WDR12: variants seen among roughly 807,000 people sequenced by gnomAD.
The protein encoded by WDR12 is ribosome biogenesis protein WDR12.
WDR12 carries 42 observed loss-of-function variants against 64.3 expected under a neutral mutation model. The ratio of observed to expected loss-of-function variants is 0.65; its 90% CI spans 0.51 to 0.84. The LOEUF (loss-of-function observed/expected upper bound fraction) is 0.84. Ranked by LOEUF, WDR12 falls within the 40% of genes least tolerant of loss-of-function variation. The pLI is 0.00. For synonymous variants in WDR12, 158 were observed against 173.3 expected (o/e 0.91, Z 0.70); for missense variants, 469 against 494.6 (o/e 0.95, Z 0.49).
chr2:202,879,730 C>T lies in WDR12; in HGVS notation c.*1130G>A. 6.6e-6 allele frequency: 1 copy of T among 151,938 alleles called. No individual in the cohort carries two copies. The highest frequency in any genetic ancestry group is 1.5e-5 in the Non-Finnish European group (1 of 68,032). The allele number at this position is 151,938 out of a possible 1,614,324, so 9.4% of individuals were successfully genotyped here. ...TACAAGCATGAGCCACCGTGCCCTG[C>T]CGAATCAATATTTTGTTATCGTTGT... On this transcript the variant is annotated 3_prime_UTR_variant, in exon 13 of 13. Transcript: ENST00000261015.
chr2:202,892,639 G>GT lies in WDR12; in HGVS notation c.718dup (p.Thr240AsnfsTer30). 1 of 1,613,026 alleles carries GT rather than the reference G, an allele frequency of 6.2e-7. No individual in the cohort carries two copies. The highest frequency in any genetic ancestry group is 8.5e-7 in the Non-Finnish European group (1 of 1,179,350). On this transcript the variant is annotated frameshift_variant, in exon 8 of 13. Coordinates refer to ENST00000261015, the MANE Select transcript of WDR12 (RefSeq NM_018256.4). LOFTEE classifies it high-confidence loss of function. ...GACCCTTGTTAGTCCCAACTGTTCTGTCTTCTGTTTCTTTCTTGGTCGATT... is the reference window on the plus strand; with the variant it reads ...GACCCTTGTTAGTCCCAACTGTTCTGTTCTTCTGTTTCTTTCTTGGTCGATT...
intron 8 of WDR12, among the ~76,000 whole-genome samples, chr2:202,887,038 T>G (rs75232035): frequency 6.6e-6 from 1 of 152,228 alleles, no homozygotes; most frequent in Admixed American, 6.5e-5. Context: ...TGTTTTTTGT[T>G]TTTTTGAGAT....
At chr2:202,886,613 C>A (rs1263933307) in intron 8 of WDR12, among the ~76,000 whole-genome samples, 1 of 151,796 alleles carries the variant, frequency 6.6e-6, no homozygotes, top group African/African-American at 2.4e-5. Flanking sequence ...ACTAAAACTA[C>A]AAAATTAGCC....
At chr2:202,882,845 A>C in intron 11 of WDR12, 62 bp from the exon 12 acceptor site, 1 of 1,523,928 alleles carries the variant, frequency 6.6e-7, no homozygotes, top group Non-Finnish European at 9.1e-7. Context: ...ACATTTGAAT[A>C]ATCACTTATA....
At position 202,901,134 on chromosome 2, in the gene WDR12, T is replaced by C. The variant is rs1688342163; in HGVS notation, c.137-15A>G. 2 of 1,577,096 alleles carry C rather than the reference T, an allele frequency of 1.3e-6. No individual in the cohort carries two copies. Among genetic ancestry groups the C allele is most frequent in the Admixed American group, 1.7e-5 (1 of 59,024 alleles). On this transcript the variant is annotated splice_polypyrimidine_tract_variant and intron_variant, in intron 2 of 12. Coordinates refer to ENST00000261015, the MANE Select transcript of WDR12 (RefSeq NM_018256.4). ...TTTGTGGAACTCTGAGGAAAATACA[T>C]AACAAAATTATCACTCTTAGTGTCT... is the stretch of plus-strand genomic sequence containing the variant.
intron 8 of WDR12, among the ~76,000 whole-genome samples, chr2:202,885,521 G>C (rs1326840911): frequency 6.6e-6 from 1 of 152,152 alleles, no homozygotes; most frequent in Non-Finnish European, 1.5e-5. Context: ...GACAGATATA[G>C]GTTTCAGCAC....
At chr2:202,902,365 T>C (rs910961863) in intron 2 of WDR12, among the ~76,000 whole-genome samples, 3 of 152,110 alleles carry the variant, frequency 2.0e-5, no homozygotes, top group African/African-American at 7.2e-5. Context: ...TCAACTTGAT[T>C]GGATTGAAGG....
rs1279635187 is a variant in WDR12 at position 202,878,642 on chromosome 2, C to T, written c.*2218G>A. The T allele has an allele frequency of 6.6e-6, 1 of 152,182 alleles. No individual in the cohort carries two copies. The highest frequency in any genetic ancestry group is 2.4e-5 in the African/African-American group (1 of 41,436). The allele number at this position is 152,182 out of a possible 1,614,324, so 9.4% of individuals were successfully genotyped here. On this transcript the variant is annotated 3_prime_UTR_variant, in exon 13 of 13. Transcript: ENST00000261015. ...TCAGCCCTGGACTGCCTCTGGTTTTCTACAGAGAACTAAACTCCTAACTGG... is the reference window on the plus strand; with the variant it reads ...TCAGCCCTGGACTGCCTCTGGTTTTTTACAGAGAACTAAACTCCTAACTGG...
intron 4 of WDR12, among the ~76,000 whole-genome samples, chr2:202,899,040 T>G (rs1688301709): frequency 7.9e-6 from 1 of 127,288 alleles, no homozygotes; most frequent in South Asian, 2.8e-4. Context: ...TGGTTTTTTT[T>G]TTTTTTTTTT....
chr2:202,880,953 GA>G lies in WDR12; in HGVS notation c.1195-17del. 1 of 1,579,312 alleles carries G rather than the reference GA, an allele frequency of 6.3e-7. No individual in the cohort carries two copies. On this transcript the variant is annotated splice_polypyrimidine_tract_variant and intron_variant, in intron 12 of 12. Coordinates refer to ENST00000261015, the MANE Select transcript of WDR12 (RefSeq NM_018256.4). ...TCAGAAGTAGCTGTGTAAAAGGAGA[GA>G]AAAAGACAAGAAAACATAAATAAAT...
At chr2:202,884,686 A>G (rs1314935193) in intron 8 of WDR12, 151 bp from the exon 9 acceptor site, 2 of 890,182 alleles carry the variant, frequency 2.2e-6, no homozygotes, top group Non-Finnish European at 3.3e-6. Flanking sequence ...AATGGAATGG[A>G]TATTTCTGTT....
At chr2:202,887,730 T>C (rs978460348) in intron 8 of WDR12, among the ~76,000 whole-genome samples, 1 of 148,512 alleles carries the variant, frequency 6.7e-6, no homozygotes, top group African/African-American at 2.5e-5. Context: ...CTACTAAAAA[T>C]ACAAAAAATT....
At chr2:202,907,538 C>A (rs990486143) in intron 2 of WDR12, among the ~76,000 whole-genome samples, 1 of 152,116 alleles carries the variant, frequency 6.6e-6, no homozygotes, top group Non-Finnish European at 1.5e-5. Flanking sequence ...TTGTTTTATG[C>A]CTGCATAACT....
chr2:202,882,289 A>G (rs1687963218), intron 12 of WDR12, among the ~76,000 whole-genome samples: 3 of 151,998 alleles, frequency 2.0e-5, no homozygotes. Context: ...AATAATATTA[A>G]GTGAAATAAT....
At chr2:202,886,493 G>A (rs1325682048) in intron 8 of WDR12, among the ~76,000 whole-genome samples, 1 of 148,552 alleles carries the variant, frequency 6.7e-6, no homozygotes, top group African/African-American at 2.5e-5. Context: ...AACTAGCTGG[G>A]TGCGGTGGCT....
chr2:202,891,776 C>T (rs1688160775), intron 8 of WDR12, among the ~76,000 whole-genome samples: 1 of 151,964 alleles, frequency 6.6e-6, no homozygotes, highest in Non-Finnish European at 1.5e-5. Context: ...TCAGTATTGC[C>T]CTTCACAAAA....
rs981019156 is a variant in WDR12, at chr2:202,878,141, T to G, written c.*2719A>C. On this transcript the variant is annotated 3_prime_UTR_variant, in exon 13 of 13. Coordinates refer to ENST00000261015, the MANE Select transcript of WDR12 (RefSeq NM_018256.4). ...CAAGGAAGAATGCCTGAACTATGAATGTATTCTGCTGTGGAACCAGGATTG... is the reference window on the plus strand; with the variant it reads ...CAAGGAAGAATGCCTGAACTATGAAGGTATTCTGCTGTGGAACCAGGATTG... 3.9e-5 allele frequency: 6 copies of G among 152,304 alleles called. No individual in the cohort carries two copies. In the East Asian group the frequency reaches 1.2e-3, roughly 29 times the overall value. The allele number at this position is 152,304 out of a possible 1,614,324, so 9.4% of individuals were successfully genotyped here. A position where few individuals can be genotyped will look rare whatever the true frequency, so the allele number is the denominator to read the frequency against.
intron 4 of WDR12, among the ~76,000 whole-genome samples, 192 bp from the exon 5 acceptor site, chr2:202,897,607 T>A (rs1688270484): frequency 3.4e-5 from 5 of 146,980 alleles, no homozygotes. Context: ...ATACCTGGCA[T>A]GGCTGGGCGT....
chr2:202,879,602 T>G lies in WDR12; in HGVS notation c.*1258A>C, dbSNP rs2105901333. ...CACCCGGCTAATTTGTTTTGGATTT[T>G]TTTTTTTTTAGTAGAGACAAAGTTT... On this transcript the variant is annotated 3_prime_UTR_variant, in exon 13 of 13. Coordinates refer to ENST00000261015, the MANE Select transcript of WDR12 (RefSeq NM_018256.4). 1 of 151,862 alleles carries G rather than the reference T, an allele frequency of 6.6e-6. No homozygotes were observed. The highest frequency in any genetic ancestry group is 1.9e-4 in the East Asian group (1 of 5,132). The allele number at this position is 151,862 out of a possible 1,614,324, so 9.4% of individuals were successfully genotyped here. A position where few individuals can be genotyped will look rare whatever the true frequency, so the allele number is the denominator to read the frequency against.
Sources: allele counts gnomAD v4.1 joint callset (sites outside exome capture counted in the v4.1 genomes callset), GRCh38; gene constraint gnomAD v4.1.1; transcripts MANE v1.5; gene names NCBI Gene and HGNC (gene_info 2026-07-23, HGNC 2026-07-21).